WASHC5: variants seen among roughly 807,000 people sequenced by gnomAD.
WASHC5 encodes WASH complex subunit strumpellin.
WASHC5 carries 101 observed loss-of-function variants against 150.4 expected under a neutral mutation model. The ratio of observed to expected loss-of-function variants is 0.67; its 90% CI spans 0.57 to 0.79. The LOEUF (loss-of-function observed/expected upper bound fraction) is 0.79. Among genes scored for constraint, WASHC5 ranks in the 30% least tolerant of loss-of-function variants. The probability of loss-of-function intolerance (pLI) is 0.00; values close to 1 mark genes in which losing one functional copy is unlikely to be tolerated. For synonymous variants in WASHC5, 467 were observed against 491.2 expected (o/e 0.95, Z 0.65); for missense variants, 1,195 against 1,396.3 (o/e 0.86, Z 2.30).
In WASHC5 at chr8:125,028,607, A is replaced by G; in HGVS notation, c.3423+13T>C. The G allele has an allele frequency of 2.6e-6, 4 of 1,565,842 alleles. No homozygotes were observed. Among genetic ancestry groups the G allele is most frequent in the Non-Finnish European group, 3.5e-6 (4 of 1,136,098 alleles). ...ACAACTATTAATATTGTTCTTTACTATCTATCACTTACCCTCCTGGGTAGC... is the reference window on the plus strand; with the variant it reads ...ACAACTATTAATATTGTTCTTTACTGTCTATCACTTACCCTCCTGGGTAGC... On this transcript the variant is annotated intron_variant, in intron 28 of 28. Transcript: ENST00000318410.
At chr8:125,088,150 AGAG>A (rs1454723441) in intron 1 of WASHC5, among the ~76,000 whole-genome samples, 2 of 152,192 alleles carry the variant, frequency 1.3e-5, no homozygotes, top group East Asian at 1.9e-4. Flanking sequence ...TCCCTCCTAA[AGAG>A]GAGAATAGGG....
At chr8:125,046,426 G>A (rs928198546) in intron 20 of WASHC5, among the ~76,000 whole-genome samples, 6 of 152,288 alleles carry the variant, frequency 3.9e-5, no homozygotes, top group South Asian at 2.1e-4. Context: ...ACTGCTGAAC[G>A]TAGAGCCCAC....
At chr8:125,066,241 C>G (rs1816740610) in intron 10 of WASHC5, among the ~76,000 whole-genome samples, 1 of 152,218 alleles carries the variant, frequency 6.6e-6, no homozygotes, top group Non-Finnish European at 1.5e-5. Context: ...ACTGAAAACA[C>G]TAAGCACAGG....
At chr8:125,037,410 A>G in intron 25 of WASHC5, 77 bp from the exon 26 acceptor site, 1 of 928,498 alleles carries the variant, frequency 1.1e-6, no homozygotes, top group South Asian at 1.3e-5. Flanking sequence ...CCAAATGAAA[A>G]TCTTCCATTT....
chr8:125,035,176 T>G (rs1815662807), intron 26 of WASHC5, among the ~76,000 whole-genome samples: 1 of 152,184 alleles, frequency 6.6e-6, no homozygotes, highest in Non-Finnish European at 1.5e-5. Context: ...AACACATCAG[T>G]CTTATTGATG....
At chr8:125,054,743 C>T (rs1248832245) in intron 17 of WASHC5, among the ~76,000 whole-genome samples, 3 of 151,476 alleles carry the variant, frequency 2.0e-5, no homozygotes, top group South Asian at 2.1e-4. Context: ...GGTGTGAACC[C>T]GGGAGGTGGA....
intron 28 of WASHC5, among the ~76,000 whole-genome samples, chr8:125,026,350 T>C (rs1051966502): frequency 6.6e-6 from 1 of 152,206 alleles, no homozygotes; most frequent in Non-Finnish European, 1.5e-5. Context: ...AAGAAACTAG[T>C]CCTTTGTTGG....
chr8:125,026,994 A>G (rs1405014091), intron 28 of WASHC5, among the ~76,000 whole-genome samples: 1 of 152,204 alleles, frequency 6.6e-6, no homozygotes, highest in African/African-American at 2.4e-5. Flanking sequence ...TCATTCAGAA[A>G]CATGGACTTT....
chr8:125,035,991 T>C (rs1815691317), intron 26 of WASHC5, among the ~76,000 whole-genome samples: 1 of 152,238 alleles, frequency 6.6e-6, no homozygotes, highest in African/African-American at 2.4e-5. Flanking sequence ...TTGTTATCTA[T>C]TATGTAACTA....
At chr8:125,050,986 A>C (rs1408952781) in intron 17 of WASHC5, among the ~76,000 whole-genome samples, 2 of 152,132 alleles carry the variant, frequency 1.3e-5, no homozygotes, top group Non-Finnish European at 2.9e-5. Context: ...TGGAGTTTTA[A>C]ATGGCCTCAC....
At chr8:125,089,202 G>C (rs1817518984) in intron 1 of WASHC5, among the ~76,000 whole-genome samples, 1 of 152,182 alleles carries the variant, frequency 6.6e-6, no homozygotes, top group African/African-American at 2.4e-5. Context: ...AGGGAAAGGG[G>C]AAATAATGGA....
At chr8:125,058,178 A>G (rs1247588657) in intron 14 of WASHC5, among the ~76,000 whole-genome samples, 1 of 151,868 alleles carries the variant, frequency 6.6e-6, no homozygotes, top group Non-Finnish European at 1.5e-5. Flanking sequence ...AAAAAAATTA[A>G]ATGCTGACAA....
chr8:125,082,552 G>A, intron 3 of WASHC5, 85 bp from the exon 4 acceptor site: 1 of 843,938 alleles, frequency 1.2e-6, no homozygotes, highest in Non-Finnish European at 2.0e-6. Flanking sequence ...TAAAAGATAA[G>A]GCAGGATGCC....
intron 27 of WASHC5, among the ~76,000 whole-genome samples, chr8:125,030,351 G>A (rs1348831069): frequency 6.6e-6 from 1 of 152,132 alleles, no homozygotes; most frequent in Non-Finnish European, 1.5e-5. Context: ...TCATTTTTGA[G>A]ACTTTGAGTT....
intron 8 of WASHC5, 27 bp from the exon 9 acceptor site, chr8:125,073,351 A>G: frequency 6.3e-7 from 1 of 1,576,004 alleles, no homozygotes; most frequent in Non-Finnish European, 8.7e-7. Context: ...CTTGAATTAC[A>G]TTTAAAAAGT....
chr8:125,081,036 C>T (rs1445947665), intron 5 of WASHC5, among the ~76,000 whole-genome samples: 1 of 151,960 alleles, frequency 6.6e-6, no homozygotes, highest in Non-Finnish European at 1.5e-5. Flanking sequence ...TGAAATTTAG[C>T]CTCAAGGTAA....
chr8:125,037,824 T>G (rs1815761419), intron 25 of WASHC5, among the ~76,000 whole-genome samples: 2 of 152,180 alleles, frequency 1.3e-5, no homozygotes, highest in South Asian at 2.1e-4. Flanking sequence ...GTTCTTCTTG[T>G]CATTTGCTGT....
chr8:125,084,855 T>C (rs777704056), intron 1 of WASHC5, among the ~76,000 whole-genome samples: 2 of 152,218 alleles, frequency 1.3e-5, no homozygotes, highest in Non-Finnish European at 2.9e-5. Context: ...CCTAGCATCT[T>C]AGAGTTTCTG....
At chr8:125,031,082 T>C (rs36114239) in intron 27 of WASHC5, among the ~76,000 whole-genome samples, 1,649 of 152,302 alleles carry the variant, frequency 0.011, 11 homozygotes, top group Non-Finnish European at 0.017. Context: ...ACTTAGCCAG[T>C]GGACTGTGCT....
Sources: allele counts gnomAD v4.1 joint callset (sites outside exome capture counted in the v4.1 genomes callset), GRCh38; gene constraint gnomAD v4.1.1; transcripts MANE v1.5; gene names NCBI Gene and HGNC (gene_info 2026-07-23, HGNC 2026-07-21).